Variants in CLVS1 observed in about 807,000 individuals in gnomAD.
CLVS1 encodes the protein clavesin-1.
A neutral mutation model predicts 33.1 loss-of-function variants in CLVS1; 10 were observed. The observed-to-expected ratio is 0.30, with a 90% confidence interval of 0.19 to 0.51. The LOEUF (loss-of-function observed/expected upper bound fraction) is 0.51, where lower values mean the gene tolerates loss of function less well. Among genes scored for constraint, CLVS1 ranks in the 20% least tolerant of loss-of-function variants. CLVS1 has a pLI of 0.97. For missense variants in CLVS1, 343 were observed against 433.4 expected, an observed-to-expected ratio of 0.79 and a Z score of 1.85; for synonymous variants, 163 against 166.1, an observed-to-expected ratio of 0.98 and a Z score of 0.14.
chr8:61,134,468 T>C (rs1294283835), intron 2 of CLVS1, among the ~76,000 whole-genome samples: 4 of 152,232 alleles, frequency 2.6e-5, no homozygotes, highest in Non-Finnish European at 5.9e-5. Context: ...ATATCTCATG[T>C]CATGTAATAA....
chr8:61,290,396 A>G (rs938854721), intron 1 of CLVS1, among the ~76,000 whole-genome samples: 3 of 152,168 alleles, frequency 2.0e-5, no homozygotes, highest in Admixed American at 6.5e-5. Flanking sequence ...AACAGAAATT[A>G]CTCATTTTTA....
At chr8:61,120,862 A>G (rs4406390) in intron 1 of CLVS1, among the ~76,000 whole-genome samples, 25,232 of 146,438 alleles carry the variant, frequency 0.17, 3,138 homozygotes, top group East Asian at 0.64. Flanking sequence ...TGGAGCCTAC[A>G]GAGGCAGGCA....
In CLVS1 at chr8:61,109,706, C is replaced by T. The variant is rs1346691752; in HGVS notation, c.-242-22064C>T. 2.0e-5 allele frequency among the ~76,000 whole-genome samples: 3 copies of T among 152,038 alleles called. No individual in the cohort carries two copies. The East Asian group carries it at 5.8e-4, about 29-fold the overall frequency. ...AGGCGATTGGATCATGAGGGCTCTG[C>T]CTTCATGAATGAATGAATCTATTCA... is the stretch of plus-strand genomic sequence containing the variant. On this transcript the variant is annotated intron_variant, in intron 1 of 2. Coordinates refer to the CLVS1 transcript ENST00000522621.
intron 2 of CLVS1, among the ~76,000 whole-genome samples, chr8:61,167,307 G>T (rs2129297869): frequency 6.6e-6 from 1 of 151,114 alleles, no homozygotes; most frequent in South Asian, 2.1e-4. Context: ...CCATTCTCCT[G>T]CCTCAGCCTC....
chr8:61,024,618 T>C, the CLVS1 span, among the ~76,000 whole-genome samples: 1 of 152,094 alleles, frequency 6.6e-6, no homozygotes, highest in Non-Finnish European at 1.5e-5. Context: ...CCTCTCTCTC[T>C]CCCCCCAGTC....
chr8:61,271,317 G>C (rs1190974053), intron 2 of CLVS1, among the ~76,000 whole-genome samples: 1 of 151,338 alleles, frequency 6.6e-6, no homozygotes, highest in Non-Finnish European at 1.5e-5. Flanking sequence ...CCATGGAGTT[G>C]AGCGGTTTTG....
At chr8:61,001,629 T>C in the CLVS1 span, among the ~76,000 whole-genome samples, 2 of 152,246 alleles carry the variant, frequency 1.3e-5, no homozygotes, top group Admixed American at 1.3e-4. Flanking sequence ...AGTTTCCCAT[T>C]GTATGGATGG....
the CLVS1 span, among the ~76,000 whole-genome samples, chr8:61,027,382 A>C: frequency 6.6e-6 from 1 of 152,194 alleles, no homozygotes; most frequent in Non-Finnish European, 1.5e-5. Context: ...GACCTAAGGC[A>C]TTTGCTCTGG....
intron 2 of CLVS1, among the ~76,000 whole-genome samples, chr8:61,171,288 G>A (rs1318687015): frequency 6.6e-6 from 1 of 152,146 alleles, no homozygotes; most frequent in African/African-American, 2.4e-5. Flanking sequence ...AGATCAGCAG[G>A]TCAATACTGG....
chr8:61,022,152 A>T, the CLVS1 span, among the ~76,000 whole-genome samples: 1 of 152,170 alleles, frequency 6.6e-6, no homozygotes, highest in Admixed American at 6.5e-5. Flanking sequence ...GTTTTTTACG[A>T]GTTTAGACAT....
At chr8:61,460,571 A>T (rs1817334751) in intron 5 of CLVS1, among the ~76,000 whole-genome samples, 1 of 152,210 alleles carries the variant, frequency 6.6e-6, no homozygotes, top group Non-Finnish European at 1.5e-5. Flanking sequence ...AAAATTGCCC[A>T]TGTTTGATGA....
intron 3 of CLVS1, among the ~76,000 whole-genome samples, chr8:61,385,564 GGA>G (rs1814049011): frequency 6.6e-6 from 1 of 152,200 alleles, no homozygotes; most frequent in Non-Finnish European, 1.5e-5. Flanking sequence ...AAAAAAAAGA[GGA>G]GAGGAGGGCA....
chr8:61,258,593 C>T (rs143503544), intron 2 of CLVS1, among the ~76,000 whole-genome samples: 15 of 152,236 alleles, frequency 9.9e-5, no homozygotes, highest in African/African-American at 3.4e-4. Flanking sequence ...CCTCTGTGAC[C>T]CAGGCATCTT....
chr8:61,019,361 A>G, the CLVS1 span, among the ~76,000 whole-genome samples: 1 of 152,126 alleles, frequency 6.6e-6, no homozygotes, highest in Non-Finnish European at 1.5e-5. Context: ...TGATGTCTAA[A>G]CTGATCCTCC....
intron 3 of CLVS1, among the ~76,000 whole-genome samples, chr8:61,450,306 T>A (rs1379435416): frequency 6.6e-6 from 1 of 152,152 alleles, no homozygotes; most frequent in African/African-American, 2.4e-5. Context: ...ATAAGTTTTT[T>A]AAAAAGCAAA....
intron 4 of CLVS1, among the ~76,000 whole-genome samples, chr8:61,455,209 T>TGTGG (rs773476733): frequency 1.3e-5 from 2 of 150,212 alleles, no homozygotes; most frequent in African/African-American, 2.5e-5. Context: ...TGTGTGTGTG[T>TGTGG]GGTGAGAACA....
intron 2 of CLVS1, among the ~76,000 whole-genome samples, chr8:61,344,661 A>G (rs533316452): frequency 6.6e-6 from 1 of 152,178 alleles, no homozygotes; most frequent in Non-Finnish European, 1.5e-5. Context: ...CCAAGCATGG[A>G]GCAGAGGACC....
At chr8:61,160,053 A>G (rs984468422) in intron 2 of CLVS1, among the ~76,000 whole-genome samples, 5 of 152,206 alleles carry the variant, frequency 3.3e-5, no homozygotes, top group African/African-American at 1.2e-4. Flanking sequence ...GCTCACTGTA[A>G]GTGGAGCTGA....
Position 61,454,157 on chromosome 8 carries a change from G to C in CLVS1, c.647G>C (p.Arg216Pro), listed in dbSNP as rs781376219. 1.2e-6 allele frequency: 2 copies of C among 1,613,822 alleles called. No homozygotes were observed. The highest frequency in any genetic ancestry group is 1.7e-5 in the Admixed American group (1 of 60,016). Reference protein sequence around the residue: ...IEGLQDSFPARFGGVHFVNQP... With the variant: ...IEGLQDSFPAPFGGVHFVNQP... ...CTGCCCCAGGACAGCTTTCCTGCCC[G>C]CTTTGGAGGAGTCCACTTTGTCAAC... The change falls in exon 4 of 6, where the codon CGC (arginine) becomes CCC (proline). Residue 216 changes from arginine to proline, a missense_variant. Coordinates refer to ENST00000325897, the MANE Select transcript of CLVS1 (RefSeq NM_173519.3).
Sources: allele counts gnomAD v4.1 joint callset (sites outside exome capture counted in the v4.1 genomes callset), GRCh38; gene constraint gnomAD v4.1.1; transcripts MANE v1.5; gene names NCBI Gene and HGNC (gene_info 2026-07-23, HGNC 2026-07-21).